Variants in DLGAP2 observed in about 807,000 individuals in gnomAD.
DLGAP2 encodes disks large-associated protein 2.
DLGAP2 carries 26 observed loss-of-function variants against 100.3 expected under a neutral mutation model. The observed-to-expected ratio is 0.26, with a 90% CI of 0.19 to 0.36. DLGAP2 has a LOEUF of 0.36. Ranked by LOEUF, DLGAP2 falls within the 10% of genes least tolerant of loss-of-function variation. The probability of loss-of-function intolerance (pLI) is 1.00; values close to 1 mark genes in which losing one functional copy is unlikely to be tolerated. For synonymous variants in DLGAP2, 886 were observed against 630.1 expected, an observed-to-expected ratio of 1.41 and a Z score of -6.08; for missense variants, 1,858 against 1,453.2, an observed-to-expected ratio of 1.28 and a Z score of -4.53.
chr8:894,560 C>G (rs1394767528), intron 1 of DLGAP2, among the ~76,000 whole-genome samples: 4 of 144,244 alleles, frequency 2.8e-5, no homozygotes, highest in Non-Finnish European at 6.0e-5. Flanking sequence ...ACGTGGGAAT[C>G]TATGACAAGG....
intron 3 of DLGAP2, among the ~76,000 whole-genome samples, chr8:1,452,164 A>G (rs948491852): frequency 6.6e-6 from 1 of 152,204 alleles, no homozygotes; most frequent in Non-Finnish European, 1.5e-5. Context: ...AGTTTGAGGC[A>G]TAGCCCCGTG....
At chr8:1,641,901 C>T (rs1204028949) in intron 8 of DLGAP2, among the ~76,000 whole-genome samples, 1 of 129,994 alleles carries the variant, frequency 7.7e-6, no homozygotes. Context: ...CCTGTGTCAC[C>T]CTCGACCCCG....
chr8:1,306,165 C>G (rs1800485992), intron 3 of DLGAP2, among the ~76,000 whole-genome samples: 1 of 150,326 alleles, frequency 6.7e-6, no homozygotes, highest in African/African-American at 2.4e-5. Flanking sequence ...ATGACATAAT[C>G]TTATATGTAG....
At chr8:1,595,952 A>T (rs1281022195) in intron 6 of DLGAP2, among the ~76,000 whole-genome samples, 1 of 151,840 alleles carries the variant, frequency 6.6e-6, no homozygotes, top group Non-Finnish European at 1.5e-5. Context: ...TACATGTGCC[A>T]TGTTGGTGTG....
chr8:1,516,686 A>G (rs998507847), intron 4 of DLGAP2, among the ~76,000 whole-genome samples: 1 of 151,958 alleles, frequency 6.6e-6, no homozygotes, highest in Non-Finnish European at 1.5e-5. Flanking sequence ...TGAAAGAGTG[A>G]GTGACTGAGT....
chr8:1,676,349 G>A (rs1476433585), intron 10 of DLGAP2, among the ~76,000 whole-genome samples, 184 bp from the exon 11 acceptor site: 2 of 152,318 alleles, frequency 1.3e-5, no homozygotes, highest in African/African-American at 4.8e-5. Context: ...TGAGACGCAG[G>A]AGTGATGTAA....
At chr8:1,501,687 C>T (rs1161966154) in intron 4 of DLGAP2, among the ~76,000 whole-genome samples, 1 of 152,206 alleles carries the variant, frequency 6.6e-6, no homozygotes, top group Admixed American at 6.5e-5. Context: ...ATGCATGTCT[C>T]CAGAGGTGAA....
At chr8:820,906 A>C (rs1357992348) in intron 1 of DLGAP2, among the ~76,000 whole-genome samples, 1 of 152,208 alleles carries the variant, frequency 6.6e-6, no homozygotes, top group South Asian at 2.1e-4. Flanking sequence ...AGAAATGTTA[A>C]TATATTAATA....
At chr8:1,133,048 G>A (rs1471945505) in intron 2 of DLGAP2, among the ~76,000 whole-genome samples, 1 of 152,306 alleles carries the variant, frequency 6.6e-6, no homozygotes, top group East Asian at 1.9e-4. Context: ...GGGGTCCTTA[G>A]TCGGGGTCAG....
At chr8:1,640,500 G>C (rs117003312) in intron 8 of DLGAP2, among the ~76,000 whole-genome samples, 4 of 152,138 alleles carry the variant, frequency 2.6e-5, no homozygotes, top group East Asian at 3.9e-4. Flanking sequence ...CTTCCCAGCC[G>C]CTCAGGATGT....
chr8:964,969 C>A (rs967028209), intron 2 of DLGAP2, among the ~76,000 whole-genome samples: 2 of 152,144 alleles, frequency 1.3e-5, no homozygotes, highest in Non-Finnish European at 2.9e-5. Context: ...TGAGCCCAAC[C>A]CCCGCGTGCA....
At chr8:931,581 G>C (rs1343523049) in intron 2 of DLGAP2, among the ~76,000 whole-genome samples, 1 of 152,122 alleles carries the variant, frequency 6.6e-6, no homozygotes, top group Non-Finnish European at 1.5e-5. Context: ...GGGACATTTG[G>C]CTCCCGGGAA....
At chr8:1,674,821 T>A (rs1342537183) in intron 10 of DLGAP2, among the ~76,000 whole-genome samples, 1 of 152,216 alleles carries the variant, frequency 6.6e-6, no homozygotes, top group Non-Finnish European at 1.5e-5. Context: ...TGCACTAGGC[T>A]ATACTCATAA....
At chr8:1,457,648 A>G (rs556760876) in intron 3 of DLGAP2, among the ~76,000 whole-genome samples, 6 of 152,080 alleles carry the variant, frequency 3.9e-5, no homozygotes, top group Admixed American at 6.6e-5. Context: ...CTTACAGGCA[A>G]TTTTTCCTCA....
At chr8:1,456,351 C>A (rs1266719030) in intron 3 of DLGAP2, among the ~76,000 whole-genome samples, 2 of 152,158 alleles carry the variant, frequency 1.3e-5, no homozygotes, top group Admixed American at 1.3e-4. Context: ...TTAAATATGA[C>A]CGAAATTCTG....
chr8:1,058,168 G>A (rs1026696615), intron 2 of DLGAP2, among the ~76,000 whole-genome samples: 2 of 151,914 alleles, frequency 1.3e-5, no homozygotes, highest in African/African-American at 4.8e-5. Context: ...CGGGTCTGGG[G>A]GCGCGGCCGG....
chr8:1,170,420 C>A (rs897339967), intron 2 of DLGAP2, among the ~76,000 whole-genome samples: 1 of 152,260 alleles, frequency 6.6e-6, no homozygotes, highest in South Asian at 2.1e-4. Context: ...GGAGGATTCC[C>A]TCTTTTTCTG....
intron 6 of DLGAP2, among the ~76,000 whole-genome samples, chr8:1,610,759 A>T (rs929414189): frequency 1.4e-5 from 2 of 147,284 alleles, no homozygotes; most frequent in Admixed American, 6.7e-5. Flanking sequence ...TACTACAAAC[A>T]CCTCTACGCA....
chr8:1,272,807 C>T (rs1293200279), intron 3 of DLGAP2, among the ~76,000 whole-genome samples: 3 of 152,126 alleles, frequency 2.0e-5, no homozygotes, highest in African/African-American at 7.2e-5. Flanking sequence ...AAAGAAGGTC[C>T]ATGAGCTGCC....
Sources: allele counts gnomAD v4.1 joint callset (sites outside exome capture counted in the v4.1 genomes callset), GRCh38; gene constraint gnomAD v4.1.1; transcripts MANE v1.5; gene names NCBI Gene and HGNC (gene_info 2026-07-23, HGNC 2026-07-21).